The following SPATS1 variants were observed in gnomAD, a reference collection of about 807,000 sequenced individuals.
The protein encoded by SPATS1 is spermatogenesis-associated serine-rich protein 1.
A neutral mutation model predicts 33.6 loss-of-function variants in SPATS1; 23 were observed. The observed-to-expected ratio is 0.68, with a 90% confidence interval of 0.49 to 0.97. SPATS1 has a LOEUF of 0.97. Ranked by LOEUF, SPATS1 falls within the 50% of genes least tolerant of loss-of-function variation. The pLI, the probability that SPATS1 is intolerant of heterozygous loss-of-function variation, is 0.00. For missense variants in SPATS1, 327 were observed against 361.0 expected, an observed-to-expected ratio of 0.91 and a Z score of 0.76; for synonymous variants, 131 against 125.6, an observed-to-expected ratio of 1.04 and a Z score of -0.29.
At chr6:44,361,146 C>T (rs1247889817) in intron 4 of SPATS1, among the ~76,000 whole-genome samples, 1 of 152,174 alleles carries the variant, frequency 6.6e-6, no homozygotes, top group East Asian at 1.9e-4. Flanking sequence ...TTGCTTGCCT[C>T]GAAGCCTGTG....
chr6:44,366,135 T>A (rs553982427), intron 5 of SPATS1, among the ~76,000 whole-genome samples: 121 of 150,704 alleles, frequency 8.0e-4, no homozygotes, highest in African/African-American at 2.9e-3. Flanking sequence ...ATATTTTTTT[T>A]TTTTTTGAGA....
intron 5 of SPATS1, among the ~76,000 whole-genome samples, chr6:44,364,831 T>G (rs1485789424): frequency 6.6e-6 from 1 of 151,750 alleles, no homozygotes; most frequent in African/African-American, 2.4e-5. Context: ...AGAGTCTCGC[T>G]CTGTCACCCA....
At chr6:44,352,556 A>G (rs570921914) in intron 2 of SPATS1, among the ~76,000 whole-genome samples, 170 bp from the exon 3 acceptor site, 7 of 152,232 alleles carry the variant, frequency 4.6e-5, no homozygotes, top group Non-Finnish European at 1.0e-4. Flanking sequence ...GTGGGTTGTT[A>G]TAGGGATAAA....
chr6:44,346,412 G>T (rs1294028838), intron 2 of SPATS1, among the ~76,000 whole-genome samples: 2 of 152,106 alleles, frequency 1.3e-5, no homozygotes, highest in Non-Finnish European at 2.9e-5. Flanking sequence ...CTGAGATGGG[G>T]TCTCACTCTG....
intron 3 of SPATS1, among the ~76,000 whole-genome samples, chr6:44,353,662 A>G (rs923307711): frequency 6.6e-6 from 1 of 152,180 alleles, no homozygotes; most frequent in Admixed American, 6.5e-5. Flanking sequence ...AGTTTTGAAA[A>G]TGCTTTTCTA....
chr6:44,377,097 C>A lies in SPATS1; in HGVS notation c.*34C>A. 1.9e-6 allele frequency: 3 copies of A among 1,613,822 alleles called. No homozygotes were observed. Among genetic ancestry groups the A allele is most frequent in the Middle Eastern group, 3.3e-4 (2 of 6,058 alleles). ...AGGCCCACAAAACATGTGCTGACTG[C>A]ACTCTGGCGACCCTTTTCCAGTTGA... On this transcript the variant is annotated 3_prime_UTR_variant, in exon 9 of 9. Transcript: ENST00000674044.
chr6:44,354,190 C>T (rs9472261), intron 3 of SPATS1, among the ~76,000 whole-genome samples: 85,275 of 151,328 alleles, frequency 0.56, 25,936 homozygotes, highest in Non-Finnish European at 0.69. Context: ...AAAAATTAGC[C>T]GGGCCTGGGG....
chr6:44,358,855 T>C (rs139563411), intron 3 of SPATS1, among the ~76,000 whole-genome samples: 112 of 152,340 alleles, frequency 7.4e-4, no homozygotes, highest in Middle Eastern at 3.4e-3. Flanking sequence ...CTTAGCACAA[T>C]GCTTTCAAGG....
At chr6:44,345,470 T>G (rs1211971153) in intron 2 of SPATS1, among the ~76,000 whole-genome samples, 6 of 152,188 alleles carry the variant, frequency 3.9e-5, no homozygotes, top group Non-Finnish European at 8.8e-5. Context: ...ACATTTACAT[T>G]TTGTTCCTAA....
chr6:44,366,200 C>T (rs112271032), intron 5 of SPATS1, among the ~76,000 whole-genome samples: 3,439 of 151,712 alleles, frequency 0.023, 110 homozygotes, highest in African/African-American at 0.077. Context: ...TCTCGGCTCA[C>T]TGCAATCTCT....
rs199679171 is a variant in SPATS1, at chr6:44,379,628, G to C, written c.*2565G>C. ...AAAAAAAAAAAAAAAAAAAAAAAAA[G>C]AAAGAAAGAAAGAAAGAAAAACAAC... is the stretch of plus-strand genomic sequence containing the variant. On this transcript the variant is annotated 3_prime_UTR_variant, in exon 9 of 9. Coordinates refer to ENST00000674044, the MANE Select transcript of SPATS1 (RefSeq NM_001372081.1). 1.2e-5 allele frequency among the ~76,000 whole-genome samples: 1 copy of C among 82,782 alleles called. No individual in the cohort carries two copies. The highest frequency in any genetic ancestry group is 4.0e-5 in the African/African-American group (1 of 25,254). The allele number at this position is 82,782 out of a possible 152,430, so 54.3% of individuals were successfully genotyped here. A position where few individuals can be genotyped will look rare whatever the true frequency, so the allele number is the denominator to read the frequency against.
At chr6:44,370,163 A>G (rs1188377275) in intron 7 of SPATS1, 50 bp downstream of exon 7, 1 of 1,508,826 alleles carries the variant, frequency 6.6e-7, no homozygotes. Flanking sequence ...TTAAATATCG[A>G]TTATTTTATT....
intron 3 of SPATS1, among the ~76,000 whole-genome samples, chr6:44,357,036 C>T (rs923242667): frequency 1.3e-5 from 2 of 152,112 alleles, no homozygotes; most frequent in Admixed American, 6.5e-5. Context: ...CATGTCATGT[C>T]GTTGCTTACC....
chr6:44,375,407 T>C (rs1339028924), intron 7 of SPATS1, among the ~76,000 whole-genome samples: 1 of 152,162 alleles, frequency 6.6e-6, no homozygotes, highest in Non-Finnish European at 1.5e-5. Flanking sequence ...CTGCCAGAAT[T>C]GGGGTGCCTT....
chr6:44,372,439 C>G (rs1789681465), intron 7 of SPATS1, among the ~76,000 whole-genome samples: 1 of 149,380 alleles, frequency 6.7e-6, no homozygotes, highest in South Asian at 2.1e-4. Flanking sequence ...ATTTTGTTGT[C>G]TTTTTTTATT....
intron 2 of SPATS1, among the ~76,000 whole-genome samples, chr6:44,349,692 G>GC (rs1342312290): frequency 1.6e-4 from 24 of 152,178 alleles, no homozygotes; most frequent in African/African-American, 5.8e-4. Flanking sequence ...TGCATTCAAG[G>GC]CCCCAGATTT....
chr6:44,349,452 C>T (rs1449360286), intron 2 of SPATS1, among the ~76,000 whole-genome samples: 1 of 151,968 alleles, frequency 6.6e-6, no homozygotes, highest in African/African-American at 2.4e-5. Flanking sequence ...TTAGGAATGC[C>T]TTAACCAGTC....
rs1489634215 is a variant in SPATS1 at position 44,361,740 on chromosome 6, A to G, written c.413-91A>G. 10 of 1,516,832 alleles carry G rather than the reference A, an allele frequency of 6.6e-6. No individual in the cohort carries two copies. The African/African-American group carries it at 1.2e-4, about 19-fold the overall frequency. The allele number at this position is 1,516,832 out of a possible 1,614,324, so 94.0% of individuals were successfully genotyped here. The stretch of plus-strand genomic sequence containing the variant: ...ATTAATTAAAGTTATATAGCCAGAT[A>G]GTGCCTGTGGAGTTTTCACAGCTTT... On this transcript the variant is annotated intron_variant, in intron 4 of 8. Coordinates refer to ENST00000674044, the MANE Select transcript of SPATS1 (RefSeq NM_001372081.1).
At chr6:44,359,190 G>A (rs1055609703) in intron 3 of SPATS1, among the ~76,000 whole-genome samples, 13 of 152,056 alleles carry the variant, frequency 8.5e-5, no homozygotes, top group African/African-American at 2.9e-4. Flanking sequence ...CAAACACCTG[G>A]GCTTAAGTGA....
Sources: gnomAD v4.1 joint callset for allele counts (sites outside exome capture counted in the v4.1 genomes callset) on GRCh38, gnomAD v4.1.1 for gene constraint, MANE v1.5 for transcripts, NCBI Gene and HGNC (gene_info 2026-07-23, HGNC 2026-07-21) for gene names.